The following ZDHHC17 variants were observed in gnomAD, a reference collection of about 807,000 sequenced individuals.
ZDHHC17 encodes zDHHC palmitoyltransferase 17, also known as palmitoyltransferase ZDHHC17.
A neutral mutation model predicts 90.3 loss-of-function variants in ZDHHC17; 40 were observed. The ratio of observed to expected loss-of-function variants is 0.44; its 90% CI spans 0.34 to 0.58. The LOEUF is 0.58. Among genes scored for constraint, ZDHHC17 ranks in the 20% least tolerant of loss-of-function variants. The pLI, the probability that ZDHHC17 is intolerant of heterozygous loss-of-function variation, is 0.01. For missense variants in ZDHHC17, 614 were observed against 780.8 expected (o/e 0.79, Z 2.55); for synonymous variants, 235 against 252.4 (o/e 0.93, Z 0.65).
intron 12 of ZDHHC17, chr12:76,844,917 T>A (rs1347559669): frequency 1.3e-5 from 2 of 152,172 alleles, no homozygotes; most frequent in South Asian, 4.1e-4. Context: ...ACCAATGAGT[T>A]CTTGTATTCA....
rs1201904552 is a variant in ZDHHC17, at chr12:76,824,843, C to CA, written c.898-2053dup. On this transcript the variant is annotated intron_variant, in intron 8 of 16. Coordinates refer to ENST00000426126, the MANE Select transcript of ZDHHC17 (RefSeq NM_015336.4). ...GGGTGACCGAGTGAGACCTTATCTC[C>CA]AAAAAAAAAAAAGAAAGGGGGACAA... 8.3e-3 allele frequency among the ~76,000 whole-genome samples: 869 copies of CA among 105,216 alleles called. 6 individuals are homozygous for CA. Among genetic ancestry groups the CA allele is most frequent in the African/African-American group, 0.024 (666 of 27,744 alleles). The allele number at this position is 105,216 out of a possible 152,430, so 69.0% of individuals were successfully genotyped here.
chr12:76,842,703 T>C (rs984685471), intron 11 of ZDHHC17, among the ~76,000 whole-genome samples: 6 of 152,194 alleles, frequency 3.9e-5, no homozygotes, highest in East Asian at 1.9e-4. Context: ...CAGATTCTTA[T>C]GGTCTAATCC....
intron 10 of ZDHHC17, among the ~76,000 whole-genome samples, chr12:76,837,086 C>G (rs191158831): frequency 1.8e-4 from 27 of 152,232 alleles, no homozygotes; most frequent in African/African-American, 6.0e-4. Flanking sequence ...CATCTCTGGT[C>G]TCCATGGGGT....
At chr12:76,780,342 T>C (rs1052185920) in intron 1 of ZDHHC17, among the ~76,000 whole-genome samples, 3 of 152,216 alleles carry the variant, frequency 2.0e-5, no homozygotes, top group Non-Finnish European at 4.4e-5. Context: ...AAAGATACTG[T>C]ACATGTTTGG....
At chr12:76,774,331 C>T (rs1952533357) in intron 1 of ZDHHC17, among the ~76,000 whole-genome samples, 2 of 150,148 alleles carry the variant, frequency 1.3e-5, no homozygotes, top group South Asian at 4.2e-4. Context: ...CATATATATA[C>T]ATACACACAC....
At chr12:76,824,801 C>T (rs1384029611) in intron 8 of ZDHHC17, among the ~76,000 whole-genome samples, 5 of 151,198 alleles carry the variant, frequency 3.3e-5, no homozygotes, top group African/African-American at 1.2e-4. Context: ...CAAGATCATG[C>T]CACTGCACTC....
intron 8 of ZDHHC17, 69 bp downstream of exon 8, chr12:76,822,600 G>T: frequency 7.6e-7 from 1 of 1,317,982 alleles, no homozygotes; most frequent in Non-Finnish European, 1.1e-6. Flanking sequence ...TGTTGCCCAG[G>T]CTGGAGTGCA....
intron 6 of ZDHHC17, 85 bp from the exon 7 acceptor site, chr12:76,815,766 GTAAGCA>G (rs1953079643): frequency 7.5e-7 from 1 of 1,327,578 alleles, no homozygotes; most frequent in African/African-American, 1.5e-5. Flanking sequence ...GAATGCTACT[GTAAGCA>G]TAATCAGTTT....
At chr12:76,793,946 C>T (rs549840129) in intron 1 of ZDHHC17, among the ~76,000 whole-genome samples, 9 of 152,204 alleles carry the variant, frequency 5.9e-5, no homozygotes, top group South Asian at 2.1e-4. Context: ...AGCACAGTGG[C>T]GCGATCGTGG....
At chr12:76,834,938 G>T (rs1953346186) in intron 10 of ZDHHC17, among the ~76,000 whole-genome samples, 1 of 152,046 alleles carries the variant, frequency 6.6e-6, no homozygotes, top group Non-Finnish European at 1.5e-5. Context: ...TATTGGAGCA[G>T]GGTAATTTTT....
At chr12:76,765,021 C>A (rs992799418) in intron 1 of ZDHHC17, among the ~76,000 whole-genome samples, 1 of 152,188 alleles carries the variant, frequency 6.6e-6, no homozygotes, top group Admixed American at 6.5e-5. Flanking sequence ...TGTAAGTAAA[C>A]AGTGCCCCGC....
chr12:76,797,941 C>CCACACACACACACACACACA (rs60610921), intron 2 of ZDHHC17, among the ~76,000 whole-genome samples: 3 of 147,476 alleles, frequency 2.0e-5, no homozygotes, highest in Non-Finnish European at 3.0e-5. Context: ...TGAAACTCTG[C>CCACACACACACACACACACA]CACACACACA....
At chr12:76,781,279 C>T (rs1055465156) in intron 1 of ZDHHC17, among the ~76,000 whole-genome samples, 1 of 152,164 alleles carries the variant, frequency 6.6e-6, no homozygotes, top group Non-Finnish European at 1.5e-5. Context: ...TACGTACTTA[C>T]CCTAGAGAAA....
intron 1 of ZDHHC17, among the ~76,000 whole-genome samples, chr12:76,779,881 T>C (rs1397151208): frequency 6.6e-6 from 1 of 152,136 alleles, no homozygotes; most frequent in Non-Finnish European, 1.5e-5. Flanking sequence ...TTTTTTCTTT[T>C]TTTTTTGCCT....
chr12:76,827,130 G>T, intron 9 of ZDHHC17, 80 bp downstream of exon 9: 1 of 1,387,778 alleles, frequency 7.2e-7, no homozygotes, highest in Admixed American at 3.1e-5. Flanking sequence ...ATTAATGTTT[G>T]TATGTTGTAC....
intron 10 of ZDHHC17, chr12:76,841,046 T>C (rs1028631151): frequency 3.3e-5 from 5 of 152,076 alleles, no homozygotes; most frequent in African/African-American, 1.2e-4. Flanking sequence ...TTGGAAAAAG[T>C]TGGGGGAAAA....
intron 10 of ZDHHC17, chr12:76,840,319 G>T (rs1295042742): frequency 6.6e-6 from 1 of 150,922 alleles, no homozygotes; most frequent in Non-Finnish European, 1.5e-5. Flanking sequence ...TATATTCATA[G>T]AGTGTGCCTA....
chr12:76,830,430 AG>A, intron 10 of ZDHHC17, among the ~76,000 whole-genome samples: 1 of 151,428 alleles, frequency 6.6e-6, no homozygotes. Flanking sequence ...CAGAAAGTAT[AG>A]TACCTTTAAA....
intron 1 of ZDHHC17, among the ~76,000 whole-genome samples, chr12:76,768,588 T>C (rs1412172902): frequency 6.6e-6 from 1 of 152,238 alleles, no homozygotes; most frequent in Non-Finnish European, 1.5e-5. Flanking sequence ...ATGTAGCTTG[T>C]AAGTGGTGTC....
Sources: allele counts gnomAD v4.1 joint callset (sites outside exome capture counted in the v4.1 genomes callset), GRCh38; gene constraint gnomAD v4.1.1; transcripts MANE v1.5; gene names NCBI Gene and HGNC (gene_info 2026-07-23, HGNC 2026-07-21).